Variants in ATP7A observed in about 807,000 individuals in gnomAD.
The protein encoded by ATP7A is copper-transporting ATPase 1.
ATP7A carries 7 observed loss-of-function variants against 83.5 expected under a neutral mutation model. The observed-to-expected ratio is 0.08, with a 90% CI of 0.05 to 0.16. The LOEUF is 0.16. Among genes scored for constraint, ATP7A ranks in the 10% least tolerant of loss-of-function variants. ATP7A has a pLI of 1.00. For synonymous variants in ATP7A, 354 were observed against 395.2 expected (o/e 0.90, Z 1.24); for missense variants, 940 against 1,120.8 (o/e 0.84, Z 2.30).
At chrX:78,005,210 A>G (rs1383752662) in intron 6 of ATP7A, among the ~76,000 whole-genome samples, 1 of 112,015 alleles carries the variant, frequency 8.9e-6, no homozygotes, top group Non-Finnish European at 1.9e-5. Context: ...TAGATATCCT[A>G]TATACACCAG....
chrX:78,000,494 C>T (rs1388273839), intron 5 of ATP7A, among the ~76,000 whole-genome samples: 2 of 108,663 alleles, frequency 1.8e-5, no homozygotes, highest in Non-Finnish European at 1.9e-5. Context: ...CCTCTTAGCC[C>T]AGTTAGAAAT....
At chrX:77,930,569 G>A (rs1557224059) in intron 1 of ATP7A, among the ~76,000 whole-genome samples, 1 of 111,818 alleles carries the variant, frequency 8.9e-6, no homozygotes, top group Non-Finnish European at 1.9e-5. Context: ...ATACTGAAAT[G>A]CATAGTGGTT....
chrX:78,040,515 T>C (rs1176366173), intron 18 of ATP7A, 76 bp from the exon 19 acceptor site: 2 of 1,145,783 alleles, frequency 1.7e-6, no homozygotes, highest in African/African-American at 3.6e-5. Context: ...CATTTCATTC[T>C]GAAATTTCAA....
At chrX:77,955,495 C>G (rs1007603858) in intron 1 of ATP7A, among the ~76,000 whole-genome samples, 3 of 111,371 alleles carry the variant, frequency 2.7e-5, no homozygotes, top group African/African-American at 9.8e-5. Flanking sequence ...ACTTCTAGTT[C>G]ATTTGTTTTT....
chrX:78,005,649 C>A (rs782799814), intron 6 of ATP7A, among the ~76,000 whole-genome samples: 1 of 87,511 alleles, frequency 1.1e-5, no homozygotes, highest in South Asian at 6.6e-4. Flanking sequence ...CGCCATTGCA[C>A]TCCAACCTGG....
At chrX:77,951,912 T>A (rs1557226846) in intron 1 of ATP7A, among the ~76,000 whole-genome samples, 2 of 111,807 alleles carry the variant, frequency 1.8e-5, no homozygotes, top group Non-Finnish European at 3.8e-5. Flanking sequence ...TTTTTTAGAG[T>A]AATTTTAGGT....
chrX:77,949,034 G>T (rs2077399242), intron 1 of ATP7A, among the ~76,000 whole-genome samples: 1 of 110,832 alleles, frequency 9.0e-6, no homozygotes, highest in Non-Finnish European at 1.9e-5. Flanking sequence ...TGGGACCACA[G>T]ACGCATGCCG....
intron 14 of ATP7A, 121 bp downstream of exon 14, chrX:78,021,200 G>A (rs2077903654): frequency 7.6e-6 from 6 of 784,358 alleles, no homozygotes; most frequent in Non-Finnish European, 9.1e-6. Flanking sequence ...GAGTGGGAGA[G>A]TGATAAGAAT....
At chrX:77,942,454 G>C (rs1199181434) in intron 1 of ATP7A, among the ~76,000 whole-genome samples, 4 of 108,819 alleles carry the variant, frequency 3.7e-5, no homozygotes, top group African/African-American at 1.0e-4. Context: ...TTTTTGCGGG[G>C]GGGGTAGGGG....
chrX:78,016,605 G>T (rs2077865966), intron 12 of ATP7A, among the ~76,000 whole-genome samples: 1 of 111,873 alleles, frequency 8.9e-6, no homozygotes. Flanking sequence ...ATACAGTGGG[G>T]GTGCAGGCAT....
rs782388118 is a variant in ATP7A, at chrX:77,956,202, T to A, written c.-21-15419T>A. ...TCATATGGTAGTTCAATTTTCAATTTTTTGAGGAATCACCATACTGTTTCC... is the reference window on the plus strand; with the variant it reads ...TCATATGGTAGTTCAATTTTCAATTATTTGAGGAATCACCATACTGTTTCC... On this transcript the variant is annotated intron_variant, in intron 1 of 22. Coordinates refer to ENST00000341514, the MANE Select transcript of ATP7A (RefSeq NM_000052.7). 1.1e-4 allele frequency among the ~76,000 whole-genome samples: 12 copies of A among 111,880 alleles called. No individual in the cohort carries two copies. The South Asian group carries it at 4.5e-3, about 42-fold the overall frequency.
intron 11 of ATP7A, 80 bp from the exon 12 acceptor site, chrX:78,015,674 C>G: frequency 8.7e-7 from 1 of 1,154,454 alleles, no homozygotes; most frequent in Non-Finnish European, 1.2e-6. Flanking sequence ...ACAAGCTTGA[C>G]GTGAACTAAA....
chrX:77,917,822 A>G (rs1302155589), intron 1 of ATP7A, among the ~76,000 whole-genome samples: 7 of 112,116 alleles, frequency 6.2e-5, no homozygotes, highest in Middle Eastern at 4.6e-3. Context: ...ATTGTCTTCT[A>G]TATTTGAAGC....
At chrX:78,032,016 A>T (rs782048220) in intron 16 of ATP7A, among the ~76,000 whole-genome samples, 1 of 112,362 alleles carries the variant, frequency 8.9e-6, no homozygotes, top group Non-Finnish European at 1.9e-5. Flanking sequence ...TCACCTTTTT[A>T]AAGTGTACAA....
intron 1 of ATP7A, among the ~76,000 whole-genome samples, chrX:77,912,559 T>G (rs781963702): frequency 1.7e-4 from 19 of 111,978 alleles, no homozygotes; most frequent in African/African-American, 5.2e-4. Context: ...AGAAAGCTTA[T>G]ATAGAGAAAA....
chrX:77,950,489 G>A (rs2077406841), intron 1 of ATP7A, among the ~76,000 whole-genome samples: 1 of 111,528 alleles, frequency 9.0e-6, no homozygotes, highest in Admixed American at 9.6e-5. Context: ...TTCCAGTTTT[G>A]TTCTGTTTTA....
chrX:78,012,485 G>C (rs2077833792), intron 9 of ATP7A, among the ~76,000 whole-genome samples: 1 of 108,924 alleles, frequency 9.2e-6, no homozygotes, highest in African/African-American at 3.3e-5. Context: ...TGCTTGGTGT[G>C]ATGGCTCATG....
At chrX:77,931,974 G>A (rs1479875840) in intron 1 of ATP7A, among the ~76,000 whole-genome samples, 4 of 104,627 alleles carry the variant, frequency 3.8e-5, no homozygotes, top group African/African-American at 7.0e-5. Context: ...CCTCCCGGAC[G>A]GGGCGGCTGG....
chrX:77,986,071 A>AT (rs1162559403), intron 2 of ATP7A, among the ~76,000 whole-genome samples: 41 of 109,775 alleles, frequency 3.7e-4, no homozygotes, highest in Admixed American at 8.7e-4. Context: ...ACTATTCTGC[A>AT]TTTTTTTTTC....
Sources: gnomAD v4.1 joint callset for allele counts (sites outside exome capture counted in the v4.1 genomes callset) on GRCh38, gnomAD v4.1.1 for gene constraint, MANE v1.5 for transcripts, NCBI Gene and HGNC (gene_info 2026-07-23, HGNC 2026-07-21) for gene names.